ATP2B2: variants seen among roughly 807,000 people sequenced by gnomAD.
The protein encoded by ATP2B2 is plasma membrane calcium-transporting ATPase 2.
In ATP2B2, 15 loss-of-function variants were observed where a neutral mutation model predicts 120.0. The observed-to-expected ratio is 0.12, with a 90% confidence interval of 0.08 to 0.19. The LOEUF (loss-of-function observed/expected upper bound fraction) is 0.19, where lower values mean the gene tolerates loss of function less well. Ranked by LOEUF, ATP2B2 falls within the 10% of genes least tolerant of loss-of-function variation. ATP2B2 has a pLI of 1.00. For synonymous variants in ATP2B2, 694 were observed against 700.3 expected (o/e 0.99, Z 0.14); for missense variants, 1,045 against 1,719.8 (o/e 0.61, Z 6.94).
At chr3:10,546,844 C>A (rs2067558136) in intron 2 of ATP2B2, among the ~76,000 whole-genome samples, 1 of 152,136 alleles carries the variant, frequency 6.6e-6, no homozygotes, top group South Asian at 2.1e-4. Flanking sequence ...AGGATTTGAG[C>A]CCAGGCGGTG....
chr3:10,350,518 G>A lies in ATP2B2; in HGVS notation c.2196C>T (p.Gly732=), dbSNP rs758683952. ...RAGITVRMVT[G]DNINTARAIA... is the part of the protein sequence containing the mutation. ...TGGCCCGAGCCGTGTTGATATTGTC[G>A]CCAGTGACCATGCGGACCGTGATGC... The change falls in exon 15 of 23, where the codon GGC becomes GGT. Residue 732 remains glycine (G), a synonymous_variant. Coordinates refer to ENST00000360273, the MANE Select transcript of ATP2B2 (RefSeq NM_001001331.4). The A allele has an allele frequency of 2.3e-5, 37 of 1,613,992 alleles. 1 individual carries two copies. In the Middle Eastern group the frequency reaches 1.5e-3, roughly 65 times the overall value.
At chr3:10,629,270 C>A (rs1027879597) in intron 1 of ATP2B2, among the ~76,000 whole-genome samples, 9 of 152,206 alleles carry the variant, frequency 5.9e-5, no homozygotes, top group African/African-American at 1.9e-4. Context: ...TGGGAACGCG[C>A]TGCGGGCAAC....
intron 1 of ATP2B2, among the ~76,000 whole-genome samples, chr3:10,697,351 G>T (rs906991124): frequency 1.3e-5 from 2 of 152,110 alleles, no homozygotes; most frequent in African/African-American, 4.8e-5. Flanking sequence ...TGACCTCCTG[G>T]CTGTGTGACT....
At chr3:10,574,497 C>G (rs2068199555) in intron 2 of ATP2B2, among the ~76,000 whole-genome samples, 1 of 152,184 alleles carries the variant, frequency 6.6e-6, no homozygotes, top group Non-Finnish European at 1.5e-5. Flanking sequence ...CCATATCAAC[C>G]TTTTCTTCTA....
At position 10,476,474 on chromosome 3, in the gene ATP2B2, G is replaced by A. The variant is rs373135290; in HGVS notation, c.-319-26612C>T. Among the ~76,000 whole-genome samples the A allele has an allele frequency of 5.3e-5, 8 of 152,342 alleles. 1 individual carries two copies. The highest frequency in any genetic ancestry group is 1.9e-4 in the African/African-American group (8 of 41,580). ...CAGAAAGCATGGGAACAACGGGTGC[G>A]TGGGGATGGTTAGAGAGAGCAAGGG... On this transcript the variant is annotated intron_variant, in intron 1 of 22. Coordinates refer to ENST00000360273, the MANE Select transcript of ATP2B2 (RefSeq NM_001001331.4).
intron 2 of ATP2B2, among the ~76,000 whole-genome samples, chr3:10,549,435 C>T (rs2067620324): frequency 2.0e-5 from 3 of 151,740 alleles, no homozygotes; most frequent in African/African-American, 7.3e-5. Flanking sequence ...GCCTACCACA[C>T]AGGTTCCTGG....
chr3:10,478,205 C>T (rs2065275362), intron 1 of ATP2B2, among the ~76,000 whole-genome samples: 1 of 152,152 alleles, frequency 6.6e-6, no homozygotes, highest in Admixed American at 6.5e-5. Context: ...GTCCTTTGCC[C>T]ATCTTTGAAC....
chr3:10,489,754 G>T (rs1010411977), intron 1 of ATP2B2, among the ~76,000 whole-genome samples: 1 of 152,116 alleles, frequency 6.6e-6, no homozygotes, highest in Admixed American at 6.5e-5. Context: ...GCTGCACCGT[G>T]AGCCTCCAGC....
intron 2 of ATP2B2, among the ~76,000 whole-genome samples, chr3:10,593,951 C>A (rs1345156791): frequency 1.4e-4 from 21 of 152,290 alleles, no homozygotes; most frequent in African/African-American, 4.3e-4. Context: ...ATGCAGCCAA[C>A]AGACACATGA....
In ATP2B2 at chr3:10,609,017, G is replaced by A. The variant is rs929203723; in HGVS notation, c.-415+10900C>T. Among the ~76,000 whole-genome samples the A allele has an allele frequency of 3.9e-5, 6 of 152,160 alleles. 1 individual carries two copies. The highest frequency in any genetic ancestry group is 2.0e-4 in the Admixed American group (3 of 15,280). On this transcript the variant is annotated intron_variant, in intron 2 of 21. Coordinates refer to the ATP2B2 transcript ENST00000646379. The stretch of plus-strand genomic sequence containing the variant: ...AGCAACCTTCCTTCCCCGGAATTCC[G>A]GGCCACCTTGAGTTTTGGCAGAGCC...
At chr3:10,690,447 T>TCTAC (rs1255895639) in intron 1 of ATP2B2, among the ~76,000 whole-genome samples, 3 of 151,882 alleles carry the variant, frequency 2.0e-5, no homozygotes, top group Non-Finnish European at 4.4e-5. Context: ...TATCTATCTA[T>TCTAC]CTATCTATCT....
chr3:10,503,811 C>T (rs938543264), intron 1 of ATP2B2, among the ~76,000 whole-genome samples: 1 of 152,254 alleles, frequency 6.6e-6, no homozygotes, highest in Non-Finnish European at 1.5e-5. Context: ...ACATTTCTGG[C>T]TGTTGCAGGG....
intron 22 of ATP2B2, among the ~76,000 whole-genome samples, chr3:10,335,887 A>G (rs889368428): frequency 6.6e-6 from 1 of 152,018 alleles, no homozygotes; most frequent in African/African-American, 2.4e-5. Flanking sequence ...ACTGAACCAG[A>G]CTTTTTGGCC....
At chr3:10,685,094 G>A (rs985261688) in intron 1 of ATP2B2, among the ~76,000 whole-genome samples, 1 of 152,136 alleles carries the variant, frequency 6.6e-6, no homozygotes, top group Non-Finnish European at 1.5e-5. Flanking sequence ...CCTTCTCTGA[G>A]GTTCTTCTCA....
chr3:10,473,807 C>T (rs2065103351), intron 1 of ATP2B2, among the ~76,000 whole-genome samples: 1 of 152,120 alleles, frequency 6.6e-6, no homozygotes, highest in African/African-American at 2.4e-5. Context: ...TCAAAGAAGG[C>T]CACGTGGCTG....
intron 2 of ATP2B2, among the ~76,000 whole-genome samples, chr3:10,595,105 T>C (rs2068735002): frequency 1.3e-5 from 2 of 152,240 alleles, no homozygotes; most frequent in African/African-American, 4.8e-5. Flanking sequence ...TCTGAGTTGA[T>C]TGGCTCCAGG....
intron 1 of ATP2B2, among the ~76,000 whole-genome samples, chr3:10,646,286 G>A (rs1004743752): frequency 1.3e-5 from 2 of 152,062 alleles, no homozygotes; most frequent in Admixed American, 6.5e-5. Context: ...CTGAAATGAT[G>A]ATGCTGGCAC....
rs903978080 is a variant in ATP2B2, at chr3:10,618,355, G to A, written c.-415+1562C>T. ...CTGTGCCTGGCACATGGTAGGGCACGGCAAATACCAGTTCCCACGCAAATT... is the reference window on the plus strand; with the variant it reads ...CTGTGCCTGGCACATGGTAGGGCACAGCAAATACCAGTTCCCACGCAAATT... On this transcript the variant is annotated intron_variant, in intron 2 of 21. Transcript: ENST00000646379. Among the ~76,000 whole-genome samples the A allele has an allele frequency of 3.3e-5, 5 of 152,232 alleles. No individual in the cohort carries two copies. In the South Asian group the frequency reaches 6.2e-4, roughly 19 times the overall value.
intron 2 of ATP2B2, among the ~76,000 whole-genome samples, chr3:10,539,616 A>G (rs1431196678): frequency 6.6e-6 from 1 of 152,210 alleles, no homozygotes; most frequent in Non-Finnish European, 1.5e-5. Flanking sequence ...AGAAATGGGG[A>G]AAGGATCCCC....
Sources: gnomAD v4.1 joint callset for allele counts (sites outside exome capture counted in the v4.1 genomes callset) on GRCh38, gnomAD v4.1.1 for gene constraint, MANE v1.5 for transcripts, NCBI Gene and HGNC (gene_info 2026-07-23, HGNC 2026-07-21) for gene names.